LOXHD1: variants seen among roughly 807,000 people sequenced by gnomAD.
The protein encoded by LOXHD1 is lipoxygenase homology PLAT domains 1.
In LOXHD1, 205 loss-of-function variants were observed where a neutral mutation model predicts 248.2. The ratio of observed to expected loss-of-function variants is 0.83; its 90% CI spans 0.74 to 0.93. The LOEUF is 0.93. Ranked by LOEUF, LOXHD1 falls within the 40% of genes least tolerant of loss-of-function variation. The pLI is 0.00. For missense variants in LOXHD1, 2,930 were observed against 2,971.6 expected, an observed-to-expected ratio of 0.99 and a Z score of 0.33; for synonymous variants, 1,113 against 1,162.8, an observed-to-expected ratio of 0.96 and a Z score of 0.87.
intron 37 of LOXHD1, among the ~76,000 whole-genome samples, chr18:46,492,993 G>A (rs945880287): frequency 1.3e-5 from 2 of 152,074 alleles, no homozygotes; most frequent in East Asian, 3.9e-4. Flanking sequence ...ATCCCCCAAT[G>A]GCTCCTCATC....
Position 46,485,150 on chromosome 18 carries a change from G to C in LOXHD1, c.6051C>G (p.Thr2017=). The change falls in exon 39 of 41, where the codon ACC becomes ACG. Residue 2017 remains threonine, a splice_region_variant and synonymous_variant. Coordinates refer to ENST00000642948, the MANE Select transcript of LOXHD1 (RefSeq NM_001384474.1). ...TGCCCGTTTCTATGACGATCTCGTA[G>C]GCTGTAATGGAGGAGGTGGGGGAGG... ...NKICDELEET[T]YEIVIETGNG... The C allele has an allele frequency of 6.5e-7, 1 of 1,549,274 alleles. No homozygotes were observed. The highest frequency in any genetic ancestry group is 8.7e-7 in the Non-Finnish European group (1 of 1,145,994).
chr18:46,578,843 C>A (rs1331650465), intron 13 of LOXHD1, among the ~76,000 whole-genome samples: 1 of 152,238 alleles, frequency 6.6e-6, no homozygotes, highest in Non-Finnish European at 1.5e-5. Flanking sequence ...CAACAGCCCA[C>A]CACAGGTAGG....
intron 4 of LOXHD1, among the ~76,000 whole-genome samples, chr18:46,626,080 C>G (rs1048432959): frequency 2.6e-5 from 4 of 152,156 alleles, no homozygotes; most frequent in Non-Finnish European, 5.9e-5. Context: ...TATTCAAGCC[C>G]TATGCATTAG....
In LOXHD1 at chr18:46,592,023, A is replaced by G. The variant is rs910009086; in HGVS notation, c.1564T>C (p.Cys522Arg). Residue 522 changes from cysteine (C) to arginine (R), a missense_variant, in exon 12 of 41, where the codon TGC becomes CGC. Transcript: ENST00000642948. ...TCATTGGCATCCAGCCAGCGGTTGC[A>G]ATTGAAGTTGTACTTGTCTTTGTTC... ...TLNKDKYNFN[C>R]NRWLDANEDD... 6 of 1,552,060 alleles carry G rather than the reference A, an allele frequency of 3.9e-6. No individual in the cohort carries two copies. The highest frequency in any genetic ancestry group is 2.7e-5 in the African/African-American group (2 of 73,012).
At chr18:46,624,423 G>A (rs182795892) in intron 4 of LOXHD1, among the ~76,000 whole-genome samples, 4 of 152,330 alleles carry the variant, frequency 2.6e-5, no homozygotes, top group East Asian at 1.9e-4. Flanking sequence ...GGGTTGGTCC[G>A]CAGAACCCAA....
At position 46,563,053 on chromosome 18, in the gene LOXHD1, G is replaced by A. The variant is rs113696943; in HGVS notation, c.2598+12C>T. 22 of 1,529,748 alleles carry A rather than the reference G, an allele frequency of 1.4e-5. No homozygotes were observed. The highest frequency in any genetic ancestry group is 5.9e-5 in the Admixed American group (3 of 50,666). 94.8% of individuals were successfully genotyped at this position (1,529,748 alleles called of 1,614,324 possible). ...CCTGCTGTTGGCACCCCCGCTCCTC[G>A]ACCCCACATACCTGGAATGTGTCCT... On this transcript the variant is annotated intron_variant, in intron 18 of 40. Coordinates refer to ENST00000642948, the MANE Select transcript of LOXHD1 (RefSeq NM_001384474.1).
In LOXHD1 at chr18:46,560,075, C is replaced by A. The variant is rs764128579; in HGVS notation, c.3061+8G>T. On this transcript the variant is annotated splice_region_variant and intron_variant, in intron 19 of 40. Coordinates refer to ENST00000642948, the MANE Select transcript of LOXHD1 (RefSeq NM_001384474.1). ...CCTCCCCACCCCCACCCCCCACGAC[C>A]CACTTACGCTCAGGACCCGGCTTGC... 105 of 1,539,532 alleles carry A rather than the reference C, an allele frequency of 6.8e-5. No individual in the cohort carries two copies. The highest frequency in any genetic ancestry group is 8.6e-5 in the Non-Finnish European group (98 of 1,137,548).
At position 46,534,383 on chromosome 18, in the gene LOXHD1, C is replaced by T. The variant is rs952003097; in HGVS notation, c.4164G>A (p.Gly1388=). The change falls in exon 27 of 41, where the codon GGG becomes GGA. Residue 1388 remains glycine, a synonymous_variant. Transcript: ENST00000642948. ...GGATGTCCACGTGAGAGCAGTGCCA[C>T]CCAGGATTCATGCCCGTGTTATTAT... is the stretch of plus-strand genomic sequence containing the variant. ...IGHNNTGMNP[G]WHCSHVDIRR... The T allele has an allele frequency of 6.4e-7, 1 of 1,551,566 alleles. No homozygotes were observed. The highest frequency in any genetic ancestry group is 1.4e-5 in the African/African-American group (1 of 73,028).
intron 34 of LOXHD1, among the ~76,000 whole-genome samples, chr18:46,510,844 A>G (rs553575401): frequency 6.6e-5 from 10 of 152,304 alleles, no homozygotes; most frequent in South Asian, 6.2e-4. Flanking sequence ...TCAGCCCCAT[A>G]TCCCTCCTCC....
intron 5 of LOXHD1, among the ~76,000 whole-genome samples, chr18:46,612,907 A>C (rs2038529729): frequency 6.6e-6 from 1 of 152,092 alleles, no homozygotes; most frequent in African/African-American, 2.4e-5. Flanking sequence ...GTGTGCTTCT[A>C]GACTCTTTAT....
rs2037889798 is a variant in LOXHD1 at position 46,577,872 on chromosome 18, TG to T, written c.1810-6del. The T allele has an allele frequency of 1.9e-6, 3 of 1,551,390 alleles. No individual in the cohort carries two copies. Among genetic ancestry groups the T allele is most frequent in the African/African-American group, 2.7e-5 (2 of 72,956 alleles). On this transcript the variant is annotated splice_polypyrimidine_tract_variant and splice_region_variant and intron_variant, in intron 13 of 40. Transcript: ENST00000642948. Reference sequence around the variant, plus strand: ...CTCGATAGTGAACTCGTCAGCCTTGTGGGGGGAAACCACAAGGCCAGTTAGA... The same window carrying T: ...CTCGATAGTGAACTCGTCAGCCTTGTGGGGGAAACCACAAGGCCAGTTAGA...
intron 37 of LOXHD1, 121 bp from the exon 38 acceptor site, chr18:46,489,263 C>A: frequency 1.0e-6 from 1 of 988,052 alleles, no homozygotes. Context: ...CCTCTTTGGG[C>A]CTTGATCTCC....
At chr18:46,518,078 G>C (rs531570457) in intron 34 of LOXHD1, 51 bp downstream of exon 34, 1 of 1,549,064 alleles carries the variant, frequency 6.5e-7, no homozygotes, top group South Asian at 1.2e-5. Context: ...TGGGGCAGAG[G>C]GGGAGAGTTG....
intron 21 of LOXHD1, among the ~76,000 whole-genome samples, chr18:46,553,492 C>G (rs1265927779): frequency 6.6e-6 from 1 of 152,218 alleles, no homozygotes; most frequent in East Asian, 1.9e-4. Context: ...CTAGTTAACC[C>G]CCAGCACTTA....
intron 10 of LOXHD1, 23 bp from the exon 11 acceptor site, chr18:46,592,607 T>C (rs1178604520): frequency 4.6e-6 from 7 of 1,530,840 alleles, no homozygotes; most frequent in East Asian, 2.5e-5. Context: ...ATAAAAACAT[T>C]TGAGTGGGCA....
At chr18:46,520,876 G>T (rs980447648) in intron 33 of LOXHD1, among the ~76,000 whole-genome samples, 2 of 152,228 alleles carry the variant, frequency 1.3e-5, no homozygotes, top group Non-Finnish European at 2.9e-5. Context: ...AAGGCCCAGA[G>T]AAATGAGATG....
At chr18:46,631,555 T>C (rs969753827) in intron 4 of LOXHD1, among the ~76,000 whole-genome samples, 3 of 152,066 alleles carry the variant, frequency 2.0e-5, no homozygotes, top group Non-Finnish European at 4.4e-5. Flanking sequence ...AGGCTTTCCA[T>C]CCAGTGGGGT....
chr18:46,507,443 G>A (rs2034642748), intron 36 of LOXHD1, 95 bp downstream of exon 36: 4 of 1,416,588 alleles, frequency 2.8e-6, no homozygotes, highest in African/African-American at 1.4e-5. Flanking sequence ...AAGGCCTTAT[G>A]AAGAAAAATG....
intron 2 of LOXHD1, among the ~76,000 whole-genome samples, chr18:46,648,211 T>G (rs1216838466): frequency 6.6e-6 from 1 of 151,962 alleles, no homozygotes; most frequent in East Asian, 1.9e-4. Flanking sequence ...TCAGTTGAGA[T>G]TGCACCACCG....
Sources: allele counts gnomAD v4.1 joint callset (sites outside exome capture counted in the v4.1 genomes callset), GRCh38; gene constraint gnomAD v4.1.1; transcripts MANE v1.5; gene names NCBI Gene and HGNC (gene_info 2026-07-23, HGNC 2026-07-21).